The following CLEC3B variants were observed in gnomAD, a reference collection of about 807,000 sequenced individuals.
CLEC3B encodes tetranectin.
In CLEC3B, 13 loss-of-function variants were observed where a neutral mutation model predicts 15.4. The observed-to-expected ratio is 0.84, with a 90% CI of 0.55 to 1.34. The LOEUF (loss-of-function observed/expected upper bound fraction) is 1.34. Ranked by LOEUF, CLEC3B falls within the 40% of genes most tolerant of loss-of-function variation. CLEC3B has a pLI of 0.00. For synonymous variants in CLEC3B, 112 were observed against 114.7 expected, an observed-to-expected ratio of 0.98 and a Z score of 0.15; for missense variants, 242 against 268.6, an observed-to-expected ratio of 0.90 and a Z score of 0.69.
intron 2 of CLEC3B, among the ~76,000 whole-genome samples, chr3:45,032,503 C>T (rs1328472498): frequency 2.0e-5 from 3 of 152,230 alleles, no homozygotes; most frequent in Non-Finnish European, 2.9e-5. Flanking sequence ...TAATGATACA[C>T]TCATTTCCTG....
At chr3:45,034,023 G>C (rs374002332) in intron 2 of CLEC3B, among the ~76,000 whole-genome samples, 23 of 152,296 alleles carry the variant, frequency 1.5e-4, no homozygotes, top group African/African-American at 5.1e-4. Flanking sequence ...GTCCTGAGTC[G>C]GGGCAAGAGG....
Position 45,035,622 on chromosome 3 carries a change from G to A in CLEC3B, c.307G>A (p.Gly103Ser), listed in dbSNP as rs374425404. 3 of 1,613,994 alleles carry A rather than the reference G, an allele frequency of 1.9e-6. No homozygotes were observed. The highest frequency in any genetic ancestry group is 2.5e-6 in the Non-Finnish European group (3 of 1,180,042). The change falls in exon 3 of 3, where the codon GGC becomes AGC. Residue 103 changes from glycine (G) to serine (S), a missense_variant. By Grantham distance (56) the Gly-to-Ser change is moderately conservative. Coordinates refer to ENST00000296130, the MANE Select transcript of CLEC3B (RefSeq NM_003278.3). ...CAGCGAGGACTGCATCTCGCGCGGG[G>A]GCACCCTGGGCACCCCTCAGACTGG... ...EASEDCISRG[G>S]TLGTPQTGSE...
chr3:45,028,189 G>A (rs545111355), intron 1 of CLEC3B, among the ~76,000 whole-genome samples: 11 of 152,316 alleles, frequency 7.2e-5, no homozygotes, highest in Non-Finnish European at 1.3e-4. Context: ...GAGAAACACC[G>A]TCTCTGCTCT....
At chr3:45,031,043 G>A (rs2139538) in intron 2 of CLEC3B, 118 bp downstream of exon 2, 319,223 of 677,176 alleles carry the variant, frequency 0.47, 79,480 homozygotes, top group East Asian at 0.82. Context: ...CATTAGTCCA[G>A]GCCTATGGGT....
chr3:45,027,641 G>A (rs758975234), intron 1 of CLEC3B, among the ~76,000 whole-genome samples: 1 of 152,210 alleles, frequency 6.6e-6, no homozygotes, highest in Non-Finnish European at 1.5e-5. Context: ...AAAACCAGGG[G>A]CTGGGCGCAG....
intron 2 of CLEC3B, among the ~76,000 whole-genome samples, chr3:45,033,088 C>T (rs534275380): frequency 6.6e-6 from 1 of 152,322 alleles, no homozygotes; most frequent in East Asian, 1.9e-4. Flanking sequence ...GCAACAGTGC[C>T]TGGCACAGCG....
At chr3:45,034,860 A>G (rs1351175800) in intron 2 of CLEC3B, among the ~76,000 whole-genome samples, 2 of 152,136 alleles carry the variant, frequency 1.3e-5, no homozygotes, top group Non-Finnish European at 2.9e-5. Flanking sequence ...GACCCTGCAA[A>G]AGGCACTTGG....
chr3:45,030,046 A>C (rs6805138), intron 1 of CLEC3B: 1 of 520,058 alleles, frequency 1.9e-6, no homozygotes, highest in African/African-American at 2.1e-5. Flanking sequence ...GGGTTTCCTC[A>C]TGGTGAAATG....
At chr3:45,035,388 C>G in intron 2 of CLEC3B, 136 bp from the exon 3 acceptor site, 1 of 1,207,408 alleles carries the variant, frequency 8.3e-7, no homozygotes, top group Non-Finnish European at 1.1e-6. Flanking sequence ...ACCCCTTTTG[C>G]CTGGGTCTAA....
At chr3:45,031,235 G>A (rs937831026) in intron 2 of CLEC3B, among the ~76,000 whole-genome samples, 6 of 152,238 alleles carry the variant, frequency 3.9e-5, no homozygotes, top group Non-Finnish European at 7.3e-5. Flanking sequence ...CCCACCAGAA[G>A]TGACCCTGGA....
rs1441318257 is a variant in CLEC3B at position 45,026,428 on chromosome 3, GCCA to G, written c.70_72del (p.Pro24del). 3.7e-6 allele frequency: 6 copies of G among 1,614,160 alleles called. No individual in the cohort carries two copies. The South Asian group carries it at 6.6e-5, about 18-fold the overall frequency. On this transcript the variant is annotated inframe_deletion, in exon 1 of 3. Coordinates refer to ENST00000296130, the MANE Select transcript of CLEC3B (RefSeq NM_003278.3). ...CCCTCCTGACCCAGGTCACCACCGA[GCCA>G]CCAACCCAGAAGCCCAAGAAGATTG... is the stretch of plus-strand genomic sequence containing the variant.
intron 1 of CLEC3B, among the ~76,000 whole-genome samples, chr3:45,030,429 C>T (rs945809007): frequency 1.3e-5 from 2 of 152,308 alleles, no homozygotes; most frequent in South Asian, 4.1e-4. Flanking sequence ...TGGTCTGTGT[C>T]GCATTCCTCC....
chr3:45,032,928 C>A (rs1369486551), intron 2 of CLEC3B, among the ~76,000 whole-genome samples: 2 of 152,196 alleles, frequency 1.3e-5, no homozygotes, highest in Non-Finnish European at 2.9e-5. Flanking sequence ...ACATCTGTCT[C>A]ATTTATAGGG....
intron 2 of CLEC3B, chr3:45,034,557 C>T (rs1048923540): frequency 6.6e-6 from 1 of 152,134 alleles, no homozygotes; most frequent in African/African-American, 2.4e-5. Flanking sequence ...AAAAGGTGAA[C>T]GATTTATACG....
chr3:45,032,344 G>A (rs1253579345), intron 2 of CLEC3B, among the ~76,000 whole-genome samples: 1 of 152,040 alleles, frequency 6.6e-6, no homozygotes, highest in East Asian at 1.9e-4. Context: ...TGCTGTTTGG[G>A]CAACCTGAAT....
Position 45,035,758 on chromosome 3 carries a change from C to G in CLEC3B, c.443C>G (p.Thr148Ser). ...MAAEGTWVDMTGARIAYKNWE... is the reference protein window; with the variant it reads ...MAAEGTWVDMSGARIAYKNWE... ...GCCGAGGGCACCTGGGTGGACATGA[C>G]CGGCGCCCGCATCGCCTACAAGAAC... Residue 148 changes from threonine (T) to serine (S), a missense_variant, in exon 3 of 3, where the codon ACC becomes AGC. Transcript: ENST00000296130. 2 of 1,613,732 alleles carry G rather than the reference C, an allele frequency of 1.2e-6. No homozygotes were observed. Among genetic ancestry groups the G allele is most frequent in the Non-Finnish European group, 1.7e-6 (2 of 1,179,984 alleles).
At chr3:45,031,465 G>A (rs1697552925) in intron 2 of CLEC3B, among the ~76,000 whole-genome samples, 1 of 152,256 alleles carries the variant, frequency 6.6e-6, no homozygotes, top group South Asian at 2.1e-4. Context: ...TTTTAAAGAT[G>A]TGTCAGCAGC....
At chr3:45,027,525 G>A (rs1697500641) in intron 1 of CLEC3B, among the ~76,000 whole-genome samples, 1 of 152,192 alleles carries the variant, frequency 6.6e-6, no homozygotes, top group Non-Finnish European at 1.5e-5. Flanking sequence ...GCTGACATTT[G>A]CTTTGAAAAA....
At chr3:45,031,023 G>A (rs1034324336) in intron 2 of CLEC3B, 98 bp downstream of exon 2, 2 of 829,790 alleles carry the variant, frequency 2.4e-6, no homozygotes, top group Non-Finnish European at 3.8e-6. Context: ...CAGCATCAGG[G>A]TCCTGGCTCC....
Sources: gnomAD v4.1 joint callset for allele counts (sites outside exome capture counted in the v4.1 genomes callset) on GRCh38, gnomAD v4.1.1 for gene constraint, MANE v1.5 for transcripts, NCBI Gene and HGNC (gene_info 2026-07-23, HGNC 2026-07-21) for gene names.